FOXP1: variants seen among roughly 807,000 people sequenced by gnomAD.
The protein encoded by FOXP1 is forkhead box P1.
Under a neutral mutation model 98.2 loss-of-function variants are expected in FOXP1, and 15 were observed. The ratio of observed to expected loss-of-function variants is 0.15; its 90% CI spans 0.10 to 0.24. FOXP1 has a LOEUF of 0.24. Ranked by LOEUF, FOXP1 falls within the 10% of genes least tolerant of loss-of-function variation. The pLI is 1.00. For missense variants in FOXP1, 633 were observed against 848.5 expected, an observed-to-expected ratio of 0.75 and a Z score of 3.15; for synonymous variants, 371 against 314.5, an observed-to-expected ratio of 1.18 and a Z score of -1.90.
intron 12 of FOXP1, among the ~76,000 whole-genome samples, chr3:71,012,408 T>C (rs1311835176): frequency 6.6e-6 from 1 of 152,218 alleles, no homozygotes; most frequent in Non-Finnish European, 1.5e-5. Context: ...CTCTGAATGA[T>C]AATAATTGTA....
At chr3:71,005,920 G>A (rs1045452150) in intron 12 of FOXP1, among the ~76,000 whole-genome samples, 4 of 151,996 alleles carry the variant, frequency 2.6e-5, no homozygotes, top group Admixed American at 6.6e-5. Flanking sequence ...GGCTGGCTGC[G>A]GAAAAACAAG....
At chr3:71,105,326 C>T (rs2057338137) in intron 7 of FOXP1, among the ~76,000 whole-genome samples, 1 of 152,000 alleles carries the variant, frequency 6.6e-6, no homozygotes, top group Non-Finnish European at 1.5e-5. Context: ...TAATTAGTTA[C>T]CTGGGGCTGC....
At chr3:71,312,024 G>A (rs942523962) in intron 4 of FOXP1, among the ~76,000 whole-genome samples, 2 of 152,152 alleles carry the variant, frequency 1.3e-5, no homozygotes, top group African/African-American at 4.8e-5. Flanking sequence ...AACCAGGCGG[G>A]GCCCTCCCTC....
At chr3:71,272,717 T>C (rs1014095739) in intron 5 of FOXP1, among the ~76,000 whole-genome samples, 1 of 152,168 alleles carries the variant, frequency 6.6e-6, no homozygotes, top group Non-Finnish European at 1.5e-5. Flanking sequence ...GACACTCATA[T>C]TGTCCACTGT....
chr3:71,357,273 A>T (rs2078227599), intron 4 of FOXP1, among the ~76,000 whole-genome samples: 1 of 152,228 alleles, frequency 6.6e-6, no homozygotes, highest in African/African-American at 2.4e-5. Context: ...ATTTTGCTTT[A>T]TAGCTCTCTT....
intron 7 of FOXP1, among the ~76,000 whole-genome samples, chr3:71,102,971 T>C (rs1285868559): frequency 6.6e-6 from 1 of 152,190 alleles, no homozygotes; most frequent in Admixed American, 6.5e-5. Context: ...CCCCATATGG[T>C]TGTTGTACAG....
At chr3:71,236,200 C>T (rs995825476) in intron 5 of FOXP1, among the ~76,000 whole-genome samples, 2 of 152,162 alleles carry the variant, frequency 1.3e-5, no homozygotes, top group Non-Finnish European at 2.9e-5. Context: ...TTTGCAAATC[C>T]AAGTTCTCTA....
chr3:71,567,734 C>T (rs2047013633), intron 2 of FOXP1: 1 of 152,066 alleles, frequency 6.6e-6, no homozygotes, highest in Admixed American at 6.5e-5. Context: ...AAATAGTGCA[C>T]TTCCGGAAAG....
intron 6 of FOXP1, among the ~76,000 whole-genome samples, chr3:71,134,483 A>G (rs760232806): frequency 6.6e-6 from 1 of 152,378 alleles, no homozygotes. Flanking sequence ...ATAGACAGAT[A>G]GCTCAAGGAT....
intron 6 of FOXP1, among the ~76,000 whole-genome samples, chr3:71,182,524 GTGTGTGTGTATA>G (rs1055410831): frequency 2.7e-5 from 4 of 148,086 alleles, no homozygotes; most frequent in Admixed American, 1.4e-4. Context: ...GTGTGTGTGT[GTGTGTGTGTATA>G]TATGTATATA....
chr3:71,206,346 G>A (rs902577637), intron 5 of FOXP1, among the ~76,000 whole-genome samples: 1 of 152,144 alleles, frequency 6.6e-6, no homozygotes. Context: ...TAGGTCTTAA[G>A]AGAAGTAGGA....
Position 70,959,310 on chromosome 3 carries a change from G to C in FOXP1, c.1971C>G (p.His657Gln), listed in dbSNP as rs2032619131. 7 of 1,613,968 alleles carry C rather than the reference G, an allele frequency of 4.3e-6. No individual in the cohort carries two copies. The East Asian group carries it at 1.6e-4, about 36-fold the overall frequency. Residue 657 changes from histidine to glutamine, a missense_variant, in exon 21 of 21, where the codon CAC (histidine) becomes CAG (glutamine). His to Gln is a conservative substitution (Grantham distance 24, BLOSUM62 0). Transcript: ENST00000649528. The stretch of plus-strand genomic sequence containing the variant: ...CTCTGTCATGGTCAAAATCTGGACT[G>C]TGGTTGGCTGTTGTCACTAAGGACA... ...GPLSLVTTAN[H>Q]SPDFDHDRDY... is the part of the protein sequence containing the mutation.
intron 2 of FOXP1, among the ~76,000 whole-genome samples, chr3:71,568,926 C>T (rs1278542822): frequency 1.3e-5 from 2 of 152,216 alleles, no homozygotes; most frequent in Non-Finnish European, 2.9e-5. Context: ...GGATTACAGG[C>T]GTGAGCCACT....
chr3:71,418,781 G>T (rs965399647), intron 3 of FOXP1, among the ~76,000 whole-genome samples: 12 of 152,006 alleles, frequency 7.9e-5, no homozygotes, highest in African/African-American at 2.4e-4. Context: ...TGTCACTATC[G>T]CAAGAATTAA....
At chr3:71,396,610 C>T (rs1293698903) in intron 3 of FOXP1, among the ~76,000 whole-genome samples, 1 of 151,928 alleles carries the variant, frequency 6.6e-6, no homozygotes, top group African/African-American at 2.4e-5. Context: ...AGCAACCTAC[C>T]TTCAAGTAAC....
intron 7 of FOXP1, among the ~76,000 whole-genome samples, chr3:71,098,303 C>T (rs1211609251): frequency 6.6e-6 from 1 of 152,154 alleles, no homozygotes. Context: ...CTTTAGTCTC[C>T]TTTAATTTTC....
intron 5 of FOXP1, among the ~76,000 whole-genome samples, chr3:71,283,503 C>T (rs1348551486): frequency 6.6e-6 from 1 of 152,180 alleles, no homozygotes; most frequent in Non-Finnish European, 1.5e-5. Flanking sequence ...ACAGGACCTA[C>T]ATGACGGTGT....
chr3:71,468,110 G>T (rs2088960429), intron 3 of FOXP1, among the ~76,000 whole-genome samples: 1 of 151,864 alleles, frequency 6.6e-6, no homozygotes, highest in Non-Finnish European at 1.5e-5. Flanking sequence ...TTTAATCCTT[G>T]GAGAAGCAAT....
At chr3:70,978,390 AGAG>A (rs1444821214) in intron 14 of FOXP1, among the ~76,000 whole-genome samples, 1 of 152,220 alleles carries the variant, frequency 6.6e-6, no homozygotes, top group African/African-American at 2.4e-5. Context: ...TCAAAGAGGG[AGAG>A]AAGTCCTTAG....
Sources: gnomAD v4.1 joint callset for allele counts (sites outside exome capture counted in the v4.1 genomes callset) on GRCh38, gnomAD v4.1.1 for gene constraint, MANE v1.5 for transcripts, NCBI Gene and HGNC (gene_info 2026-07-23, HGNC 2026-07-21) for gene names.